The following TTC9 variants were observed in gnomAD, a reference collection of about 807,000 sequenced individuals.
TTC9 encodes tetratricopeptide repeat protein 9A.
A neutral mutation model predicts 22.9 loss-of-function variants in TTC9; 13 were observed. The observed-to-expected ratio is 0.57, with a 90% confidence interval of 0.37 to 0.90. The LOEUF (loss-of-function observed/expected upper bound fraction) is 0.90. TTC9 is among the 40% of genes least tolerant of loss of function. The probability of loss-of-function intolerance (pLI) is 0.01; values close to 1 mark genes in which losing one functional copy is unlikely to be tolerated. For missense variants in TTC9, 280 were observed against 291.8 expected, an observed-to-expected ratio of 0.96 and a Z score of 0.29; for synonymous variants, 148 against 133.2, an observed-to-expected ratio of 1.11 and a Z score of -0.77.
intron 1 of TTC9, among the ~76,000 whole-genome samples, chr14:70,660,114 A>G (rs556292718): frequency 6.6e-6 from 1 of 152,340 alleles, no homozygotes; most frequent in Admixed American, 6.5e-5. Context: ...TCTTGAGTGC[A>G]TCATGCAGCA....
chr14:70,664,990 G>A (rs946698769), intron 1 of TTC9, among the ~76,000 whole-genome samples: 2 of 152,182 alleles, frequency 1.3e-5, no homozygotes, highest in African/African-American at 4.8e-5. Context: ...ATTGATTGCT[G>A]TGGTTCCTTT....
chr14:70,663,128 A>G (rs987170545), intron 1 of TTC9, among the ~76,000 whole-genome samples: 3 of 152,332 alleles, frequency 2.0e-5, no homozygotes, highest in Admixed American at 2.0e-4. Context: ...TACGTGGACC[A>G]GAAGGGTCTC....
At chr14:70,654,126 A>G (rs1032074538) in intron 1 of TTC9, among the ~76,000 whole-genome samples, 4 of 152,076 alleles carry the variant, frequency 2.6e-5, no homozygotes, top group Admixed American at 1.3e-4. Flanking sequence ...CAAAACACCC[A>G]GGGTCCCTCA....
chr14:70,665,239 C>T (rs893152829), intron 1 of TTC9, among the ~76,000 whole-genome samples: 2 of 152,104 alleles, frequency 1.3e-5, no homozygotes, highest in Admixed American at 6.6e-5. Context: ...AGGCAGGGAG[C>T]GTGGAAGCTG....
At chr14:70,666,173 A>G (rs897271133) in intron 1 of TTC9, among the ~76,000 whole-genome samples, 6 of 152,024 alleles carry the variant, frequency 3.9e-5, no homozygotes, top group Non-Finnish European at 8.8e-5. Flanking sequence ...TCATTCTTCA[A>G]GGCCATTTAG....
At chr14:70,644,974 T>A (rs2139637550) in intron 1 of TTC9, among the ~76,000 whole-genome samples, 1 of 152,104 alleles carries the variant, frequency 6.6e-6, no homozygotes, top group Non-Finnish European at 1.5e-5. Flanking sequence ...TAGCCGGGTG[T>A]GGTGGCGGGC....
rs1886286834 is a variant in TTC9, at chr14:70,671,070, TCA to T, written c.590-3_590-2del. 1 of 1,613,136 alleles carries T rather than the reference TCA, an allele frequency of 6.2e-7. No homozygotes were observed. Among genetic ancestry groups the T allele is most frequent in the Non-Finnish European group, 8.5e-7 (1 of 1,179,400 alleles). ...TGTTCCCTAAGGTTTATTTCTCTCCTCACAGACACCAACGTGATTCGGTATAT... is the reference window on the plus strand; with the variant it reads ...TGTTCCCTAAGGTTTATTTCTCTCCTCAGACACCAACGTGATTCGGTATAT... On this transcript the variant is annotated splice_region_variant and splice_polypyrimidine_tract_variant and intron_variant, in intron 2 of 2. Coordinates refer to ENST00000256367, the MANE Select transcript of TTC9 (RefSeq NM_015351.2).
rs137957647 is a variant in TTC9, at chr14:70,660,274, C to T, written c.407-7290C>T. ...TTATTTGCACACATGTGCAGATTTC[C>T]AGCTCTAGGACTTGGCCATCTGATA... On this transcript the variant is annotated intron_variant, in intron 1 of 2. Transcript: ENST00000256367. 2.2e-4 allele frequency among the ~76,000 whole-genome samples: 34 copies of T among 152,354 alleles called. No individual in the cohort carries two copies. The East Asian group carries it at 6.6e-3, about 29-fold the overall frequency.
chr14:70,649,819 C>G (rs1885955049), intron 1 of TTC9, among the ~76,000 whole-genome samples: 1 of 152,118 alleles, frequency 6.6e-6, no homozygotes, highest in African/African-American at 2.4e-5. Context: ...TGTGAACGTG[C>G]CTTGTGTGAT....
At position 70,642,100 on chromosome 14, in the gene TTC9, G is replaced by A. The variant is rs1885819749; in HGVS notation, c.-30G>A. On this transcript the variant is annotated 5_prime_UTR_variant, in exon 1 of 3. Coordinates refer to ENST00000256367, the MANE Select transcript of TTC9 (RefSeq NM_015351.2). ...CGGCGGCGGCGGCGGGCAGATCGCG[G>A]CGCGCACCAGGCGCCGGGGCGGCGG... The A allele has an allele frequency of 2.8e-6, 3 of 1,074,918 alleles. No individual in the cohort carries two copies. Among genetic ancestry groups the A allele is most frequent in the South Asian group, 4.3e-5 (1 of 22,992 alleles). The allele number at this position is 1,074,918 out of a possible 1,614,324, so 66.6% of individuals were successfully genotyped here. A position where few individuals can be genotyped will look rare whatever the true frequency, so the allele number is the denominator to read the frequency against.
intron 1 of TTC9, among the ~76,000 whole-genome samples, chr14:70,654,543 T>C: frequency 7.8e-6 from 1 of 127,686 alleles, no homozygotes; most frequent in Non-Finnish European, 1.5e-5. Flanking sequence ...TGAGCCGAGA[T>C]TGCACTACTG....
intron 1 of TTC9, among the ~76,000 whole-genome samples, chr14:70,655,555 C>T (rs1281887152): frequency 6.6e-6 from 1 of 152,190 alleles, no homozygotes. Flanking sequence ...AGCCAACCCC[C>T]TTCAGGTCTA....
chr14:70,669,174 AAG>A (rs1217064717), intron 2 of TTC9, among the ~76,000 whole-genome samples: 1 of 152,102 alleles, frequency 6.6e-6, no homozygotes, highest in African/African-American at 2.4e-5. Context: ...AAAAAGAGTA[AAG>A]AGGGGGGAGC....
In TTC9 at chr14:70,673,408, C is replaced by T. The variant is rs919223192; in HGVS notation, c.*2253C>T. 2 of 152,254 alleles carry T rather than the reference C, an allele frequency of 1.3e-5. No homozygotes were observed. The highest frequency in any genetic ancestry group is 2.4e-5 in the African/African-American group (1 of 41,440). The allele number at this position is 152,254 out of a possible 1,614,324, so 9.4% of individuals were successfully genotyped here. A position where few individuals can be genotyped will look rare whatever the true frequency, so the allele number is the denominator to read the frequency against. ...GGCCTGCCATTACTCACCTAGAGCT[C>T]ACTCTCTGGAGAAGAGGAAAAGGAA... is the stretch of plus-strand genomic sequence containing the variant. On this transcript the variant is annotated 3_prime_UTR_variant, in exon 3 of 3. Coordinates refer to ENST00000256367, the MANE Select transcript of TTC9 (RefSeq NM_015351.2).
At chr14:70,664,715 C>T (rs981337360) in intron 1 of TTC9, among the ~76,000 whole-genome samples, 6 of 130,842 alleles carry the variant, frequency 4.6e-5, no homozygotes, top group Non-Finnish European at 6.5e-5. Flanking sequence ...GGCAATAGAG[C>T]GTGACTCCAT....
At chr14:70,645,195 A>G (rs1387762906) in intron 1 of TTC9, among the ~76,000 whole-genome samples, 1 of 152,232 alleles carries the variant, frequency 6.6e-6, no homozygotes. Context: ...CTATGTATAA[A>G]ATCAGTGATG....
intron 1 of TTC9, among the ~76,000 whole-genome samples, chr14:70,665,442 A>G (rs1470477263): frequency 6.6e-6 from 1 of 151,956 alleles, no homozygotes; most frequent in East Asian, 1.9e-4. Context: ...AGATCCCACC[A>G]TGGAGAGAGA....
In TTC9 at chr14:70,672,263, G is replaced by T. The variant is rs1322795076; in HGVS notation, c.*1108G>T. The T allele has an allele frequency of 6.6e-6, 1 of 152,236 alleles. No homozygotes were observed. The highest frequency in any genetic ancestry group is 2.4e-5 in the African/African-American group (1 of 41,468). The allele number at this position is 152,236 out of a possible 1,614,324, so 9.4% of individuals were successfully genotyped here. ...AGAACTTGTACAATCTTCTTTTGATGAAATTATCTGAACTCAACATCTAGC... is the reference window on the plus strand; with the variant it reads ...AGAACTTGTACAATCTTCTTTTGATTAAATTATCTGAACTCAACATCTAGC... On this transcript the variant is annotated 3_prime_UTR_variant, in exon 3 of 3. Transcript: ENST00000256367.
chr14:70,670,262 G>A (rs1884332650), intron 2 of TTC9, among the ~76,000 whole-genome samples: 1 of 152,190 alleles, frequency 6.6e-6, no homozygotes, highest in African/African-American at 2.4e-5. Context: ...ATTCCATTTT[G>A]TCACAGTGAG....
Sources: gnomAD v4.1 joint callset for allele counts (sites outside exome capture counted in the v4.1 genomes callset) on GRCh38, gnomAD v4.1.1 for gene constraint, MANE v1.5 for transcripts, NCBI Gene and HGNC (gene_info 2026-07-23, HGNC 2026-07-21) for gene names.